The following TYRO3 variants were observed in gnomAD, a reference collection of about 807,000 sequenced individuals.
TYRO3 encodes tyrosine-protein kinase receptor TYRO3.
Under a neutral mutation model 95.2 loss-of-function variants are expected in TYRO3, and 38 were observed. The ratio of observed to expected loss-of-function variants is 0.40; its 90% CI spans 0.31 to 0.52. The LOEUF is 0.52. Ranked by LOEUF, TYRO3 falls within the 20% of genes least tolerant of loss-of-function variation. The pLI, the probability that TYRO3 is intolerant of heterozygous loss-of-function variation, is 0.56. For missense variants in TYRO3, 812 were observed against 1,116.4 expected, an observed-to-expected ratio of 0.73 and a Z score of 3.89; for synonymous variants, 367 against 432.9, an observed-to-expected ratio of 0.85 and a Z score of 1.89.
chr15:41,573,637 C>T, intron 17 of TYRO3, 42 bp from the exon 18 acceptor site: 2 of 1,453,368 alleles, frequency 1.4e-6, no homozygotes, highest in Non-Finnish European at 1.9e-6. Context: ...TGGCTCAGGA[C>T]ACCTAGTGAC....
chr15:41,568,890 G>T lies in TYRO3; in HGVS notation c.1120G>T (p.Val374Leu), dbSNP rs779217936. 5 of 1,612,080 alleles carry T rather than the reference G, an allele frequency of 3.1e-6. No homozygotes were observed. The East Asian group carries it at 8.9e-5, about 29-fold the overall frequency. ...TTCCTGGCTGCAGGATGAGCTGACA[G>T]TGGAGGGGACCAGGGCCAATTTGAC... Reference protein sequence around the residue: ...QDNGTQDELTVEGTRANLTGW... With the variant: ...QDNGTQDELTLEGTRANLTGW... Residue 374 changes from valine (V) to leucine (L), a missense_variant, in exon 9 of 19, where the codon GTG (valine) becomes TTG (leucine). Transcript: ENST00000263798.
In TYRO3 at chr15:41,578,343, C is replaced by CAG; in HGVS notation, c.*67_*68insAG. The CAG allele has an allele frequency of 6.3e-7, 1 of 1,582,966 alleles. No individual in the cohort carries two copies. The highest frequency in any genetic ancestry group is 8.6e-7 in the Non-Finnish European group (1 of 1,161,776). On this transcript the variant is annotated 3_prime_UTR_variant, in exon 19 of 19. Coordinates refer to ENST00000263798, the MANE Select transcript of TYRO3 (RefSeq NM_006293.4). Reference sequence around the variant, plus strand: ...TGGCCACTGAGCTGGCTGACTAAGCCCCGTCTGACCCCAGCCCAGACAGCA... The same window carrying CAG: ...TGGCCACTGAGCTGGCTGACTAAGCCAGCCGTCTGACCCCAGCCCAGACAGCA...
chr15:41,571,009 G>A, intron 12 of TYRO3, 29 bp from the exon 13 acceptor site: 1 of 1,610,166 alleles, frequency 6.2e-7, no homozygotes, highest in Admixed American at 1.7e-5. Context: ...GAGCCAAGGA[G>A]ACTCTCCCTT....
rs902435895 is a variant in TYRO3, at chr15:41,567,603, G to A, written c.961+66G>A. The A allele has an allele frequency of 3.6e-6, 5 of 1,380,996 alleles. No individual in the cohort carries two copies. In the African/African-American group the frequency reaches 5.9e-5, roughly 16 times the overall value. The allele number at this position is 1,380,996 out of a possible 1,614,324, so 85.5% of individuals were successfully genotyped here. On this transcript the variant is annotated intron_variant, in intron 7 of 18. Coordinates refer to ENST00000263798, the MANE Select transcript of TYRO3 (RefSeq NM_006293.4). ...GCCGGGAAGGGGGCCGTGTTGGCTGGAGTTCTGAATGGTGCTGGTAGAGAT... is the reference window on the plus strand; with the variant it reads ...GCCGGGAAGGGGGCCGTGTTGGCTGAAGTTCTGAATGGTGCTGGTAGAGAT...
intron 5 of TYRO3, among the ~76,000 whole-genome samples, chr15:41,564,523 G>A (rs944908372): frequency 6.6e-6 from 1 of 152,178 alleles, no homozygotes; most frequent in Non-Finnish European, 1.5e-5. Context: ...GGGAGGGAAG[G>A]AGGGAGGGAG....
chr15:41,566,874 C>A (rs1006407539), intron 6 of TYRO3, among the ~76,000 whole-genome samples: 2 of 152,100 alleles, frequency 1.3e-5, no homozygotes, highest in Non-Finnish European at 2.9e-5. Flanking sequence ...ACATATAGTA[C>A]GTGGATCTCT....
rs921512994 is a variant in TYRO3 at position 41,579,774 on chromosome 15, T to C, written c.*1498T>C. On this transcript the variant is annotated 3_prime_UTR_variant, in exon 19 of 19. Transcript: ENST00000263798. ...AGCTGTTATCTTTTTTTTTTTTTTT[T>C]TGAGACCGAGTCTCACTCTGTCGCC... is the stretch of plus-strand genomic sequence containing the variant. 3 of 151,508 alleles carry C rather than the reference T, an allele frequency of 2.0e-5. No homozygotes were observed. The highest frequency in any genetic ancestry group is 7.3e-5 in the African/African-American group (3 of 41,266). The allele number at this position is 151,508 out of a possible 1,614,324, so 9.4% of individuals were successfully genotyped here. A position where few individuals can be genotyped will look rare whatever the true frequency, so the allele number is the denominator to read the frequency against.
At chr15:41,561,713 G>C (rs1220022825) in intron 3 of TYRO3, 74 bp downstream of exon 3, 2 of 1,165,656 alleles carry the variant, frequency 1.7e-6, no homozygotes, top group Non-Finnish European at 2.5e-6. Flanking sequence ...CCTCTGCAGC[G>C]GAGAACTCAG....
At chr15:41,570,457 C>A in intron 11 of TYRO3, 117 bp downstream of exon 11, 2 of 1,373,578 alleles carry the variant, frequency 1.5e-6, no homozygotes, top group Non-Finnish European at 2.0e-6. Flanking sequence ...CCCAGGCACA[C>A]AAATCTGCCT....
At chr15:41,562,830 C>T in intron 4 of TYRO3, 112 bp downstream of exon 4, 1 of 1,142,418 alleles carries the variant, frequency 8.8e-7, no homozygotes, top group South Asian at 1.5e-5. Context: ...CAGAGCAAGC[C>T]CCAGTGTCTG....
intron 15 of TYRO3, 66 bp downstream of exon 15, chr15:41,572,630 G>A: frequency 7.0e-7 from 1 of 1,424,586 alleles, no homozygotes; most frequent in Non-Finnish European, 9.6e-7. Flanking sequence ...GAAAGGCATA[G>A]AGACCCTGGC....
intron 18 of TYRO3, chr15:41,577,427 G>GC (rs1463965261): frequency 6.6e-6 from 1 of 152,376 alleles, no homozygotes; most frequent in African/African-American, 2.4e-5. Flanking sequence ...CTGGGTTCAA[G>GC]CGATTCTCCT....
chr15:41,561,701 T>C, intron 3 of TYRO3, 62 bp downstream of exon 3: 2 of 1,255,664 alleles, frequency 1.6e-6, no homozygotes, highest in African/African-American at 3.0e-5. Context: ...CTGGTGACTA[T>C]ACCTCTGCAG....
intron 4 of TYRO3, 68 bp from the exon 5 acceptor site, chr15:41,564,115 TC>T: frequency 2.1e-6 from 3 of 1,410,606 alleles, no homozygotes; most frequent in Non-Finnish European, 3.0e-6. Flanking sequence ...GCCTGAGTAT[TC>T]CCCTTTCCCA....
Position 41,582,205 on chromosome 15 carries a change from G to GAA in TYRO3, c.*3932_*3933dup, listed in dbSNP as rs2055929454. On this transcript the variant is annotated 3_prime_UTR_variant, in exon 19 of 19. Coordinates refer to ENST00000263798, the MANE Select transcript of TYRO3 (RefSeq NM_006293.4). The stretch of plus-strand genomic sequence containing the variant: ...AGGATCATCTAACAACAGCAGTTTT[G>GAA]AAAAGTGAGTCTCAAAGAGGCAAGA... 6.6e-6 allele frequency: 1 copy of GAA among 151,562 alleles called. No individual in the cohort carries two copies. Among genetic ancestry groups the GAA allele is most frequent in the African/African-American group, 2.4e-5 (1 of 41,246 alleles). 9.4% of individuals were successfully genotyped at this position (151,562 alleles called of 1,614,324 possible).
chr15:41,573,665 C>G lies in TYRO3; in HGVS notation c.2146-14C>G. ...CTAGTGACAGCTTCTCCCCCAACCT[C>G]GATTCTGTCCCAGTGGGCGTTCGGG... On this transcript the variant is annotated splice_polypyrimidine_tract_variant and intron_variant, in intron 17 of 18. Transcript: ENST00000263798. 1.6e-6 allele frequency: 2 copies of G among 1,264,892 alleles called. No individual in the cohort carries two copies. Among genetic ancestry groups the G allele is most frequent in the South Asian group, 1.3e-5 (1 of 76,610 alleles). The allele number at this position is 1,264,892 out of a possible 1,614,324, so 78.4% of individuals were successfully genotyped here. A position where few individuals can be genotyped will look rare whatever the true frequency, so the allele number is the denominator to read the frequency against.
chr15:41,571,510 T>G (rs745996112), intron 13 of TYRO3, 85 bp from the exon 14 acceptor site: 1 of 933,824 alleles, frequency 1.1e-6, no homozygotes, highest in African/African-American at 1.6e-5. Flanking sequence ...GCCTAGGACA[T>G]CTGAAGGACA....
chr15:41,571,800 A>G, intron 14 of TYRO3, 113 bp downstream of exon 14: 1 of 505,658 alleles, frequency 2.0e-6, no homozygotes, highest in East Asian at 2.7e-5. Flanking sequence ...AAATAAATAG[A>G]TGGCAAAATA....
intron 4 of TYRO3, among the ~76,000 whole-genome samples, chr15:41,563,719 T>C (rs2055685393): frequency 6.6e-6 from 1 of 152,124 alleles, no homozygotes; most frequent in African/African-American, 2.4e-5. Flanking sequence ...TGAGTATAAC[T>C]GGGGAGACAA....
Sources: gnomAD v4.1 joint callset for allele counts (sites outside exome capture counted in the v4.1 genomes callset) on GRCh38, gnomAD v4.1.1 for gene constraint, MANE v1.5 for transcripts, NCBI Gene and HGNC (gene_info 2026-07-23, HGNC 2026-07-21) for gene names.